Variants in PLEKHA2 observed in about 807,000 individuals in gnomAD.
PLEKHA2 encodes the protein pleckstrin homology domain containing A2.
In PLEKHA2, 28 loss-of-function variants were observed where a neutral mutation model predicts 53.2. That is an observed-to-expected ratio of 0.53 (90% CI 0.39 to 0.72). PLEKHA2 has a LOEUF of 0.72. Ranked by LOEUF, PLEKHA2 falls within the 30% of genes least tolerant of loss-of-function variation. PLEKHA2 has a pLI of 0.00. For synonymous variants in PLEKHA2, 193 were observed against 196.4 expected (o/e 0.98, Z 0.14); for missense variants, 426 against 537.9 (o/e 0.79, Z 2.06).
chr8:38,919,001 G>A (rs530288995), intron 2 of PLEKHA2, among the ~76,000 whole-genome samples: 6 of 152,336 alleles, frequency 3.9e-5, no homozygotes, highest in Non-Finnish European at 7.3e-5. Flanking sequence ...GTGGCCTGTG[G>A]CTGCTCCTGC....
At chr8:38,957,785 G>GTGCAGAGCCCAGC (rs1301160424) in intron 10 of PLEKHA2, among the ~76,000 whole-genome samples, 3 of 152,216 alleles carry the variant, frequency 2.0e-5, no homozygotes, top group African/African-American at 7.2e-5. Flanking sequence ...CAGGCACCAG[G>GTGCAGAGCCCAGC]TGCAGAGCCC....
chr8:38,954,049 C>A (rs751073596), intron 9 of PLEKHA2, among the ~76,000 whole-genome samples: 8 of 152,140 alleles, frequency 5.3e-5, no homozygotes, highest in Non-Finnish European at 7.3e-5. Context: ...TTGGGGCATC[C>A]AAAAACCCTT....
At chr8:38,919,412 C>T (rs1049501373) in intron 2 of PLEKHA2, among the ~76,000 whole-genome samples, 4 of 152,136 alleles carry the variant, frequency 2.6e-5, no homozygotes, top group African/African-American at 9.7e-5. Flanking sequence ...TTCCCCTACC[C>T]TTGAGTGATT....
intron 10 of PLEKHA2, among the ~76,000 whole-genome samples, chr8:38,966,694 ACT>A (rs1463304105): frequency 6.6e-6 from 1 of 152,056 alleles, no homozygotes; most frequent in Non-Finnish European, 1.5e-5. Flanking sequence ...GAAATAAGTA[ACT>A]CGGCTTCATC....
At chr8:38,902,915 ATCATC>A (rs1347250660) in intron 1 of PLEKHA2, among the ~76,000 whole-genome samples, 1 of 152,196 alleles carries the variant, frequency 6.6e-6, no homozygotes, top group Non-Finnish European at 1.5e-5. Flanking sequence ...AAGCATCATC[ATCATC>A]TCAGACATTA....
chr8:38,919,436 C>T (rs1328957678), intron 2 of PLEKHA2, among the ~76,000 whole-genome samples: 1 of 152,136 alleles, frequency 6.6e-6, no homozygotes, highest in African/African-American at 2.4e-5. Flanking sequence ...TGGAATGAGC[C>T]TGCAAACACT....
At chr8:38,904,359 T>C (rs1353710413) in intron 1 of PLEKHA2, among the ~76,000 whole-genome samples, 1 of 152,252 alleles carries the variant, frequency 6.6e-6, no homozygotes, top group African/African-American at 2.4e-5. Flanking sequence ...CCCTGTGGTG[T>C]GCCTTTTGCC....
At chr8:38,919,170 A>G (rs1411268009) in intron 2 of PLEKHA2, among the ~76,000 whole-genome samples, 4 of 152,230 alleles carry the variant, frequency 2.6e-5, no homozygotes, top group Non-Finnish European at 4.4e-5. Flanking sequence ...CATGGTCCAG[A>G]TGAGAAGAGA....
rs1407530048 is a variant in PLEKHA2, at chr8:38,952,311, T to A, written c.632T>A (p.Val211Glu). ...KSGYCVKQGN[V>E]RKSWKRRFFA... ...GGTTACTGCGTGAAGCAAGGGAATG[T>A]GGTGAGTGTCAGCACAGGGGCTGAA... The change falls in exon 7 of 12, where the codon GTG becomes GAG. Residue 211 changes from valine to glutamate, a missense_variant and splice_region_variant. Transcript: ENST00000617275. The A allele has an allele frequency of 6.2e-7, 1 of 1,612,360 alleles. No individual in the cohort carries two copies. Among genetic ancestry groups the A allele is most frequent in the Non-Finnish European group, 8.5e-7 (1 of 1,179,334 alleles).
intron 3 of PLEKHA2, among the ~76,000 whole-genome samples, chr8:38,938,567 TGTTTGATCTGATAAGC>T (rs2129419685): frequency 6.6e-6 from 1 of 152,352 alleles, no homozygotes; most frequent in Non-Finnish European, 1.5e-5. Context: ...CTGTGGTCTG[TGTTTGATCTGATAAGC>T]GCAAGTTCCT....
At chr8:38,935,937 C>A (rs186355878) in intron 2 of PLEKHA2, 57 bp from the exon 3 acceptor site, 7 of 1,548,670 alleles carry the variant, frequency 4.5e-6, no homozygotes, top group Non-Finnish European at 1.8e-6. Context: ...TCTTGGTCTT[C>A]TGTCTCTTGG....
intron 1 of PLEKHA2, among the ~76,000 whole-genome samples, chr8:38,905,870 G>A (rs1833865823): frequency 2.0e-5 from 3 of 152,054 alleles, no homozygotes; most frequent in Non-Finnish European, 2.9e-5. Flanking sequence ...ATTTTTAGCA[G>A]AGACAGGGTT....
intron 10 of PLEKHA2, among the ~76,000 whole-genome samples, chr8:38,966,325 G>A (rs1038803326): frequency 4.6e-5 from 7 of 151,484 alleles, no homozygotes; most frequent in Non-Finnish European, 8.8e-5. Flanking sequence ...GAGGGGGGAT[G>A]TGGAGTCCTT....
At position 38,946,296 on chromosome 8, in the gene PLEKHA2, G is replaced by C. The variant is rs975949374; in HGVS notation, c.345+75G>C. 8.5e-6 allele frequency: 11 copies of C among 1,301,134 alleles called. No homozygotes were observed. The South Asian group carries it at 1.3e-4, about 15-fold the overall frequency. 80.6% of individuals were successfully genotyped at this position (1,301,134 alleles called of 1,614,324 possible). On this transcript the variant is annotated intron_variant, in intron 5 of 11. Coordinates refer to ENST00000617275, the MANE Select transcript of PLEKHA2 (RefSeq NM_021623.2). ...CAGGCTATGGCCTTGTTGGGGTTGG[G>C]GAAAACTGAGATGGCAGCGGGGACT... is the stretch of plus-strand genomic sequence containing the variant.
chr8:38,934,569 C>T (rs1296627331), intron 2 of PLEKHA2, among the ~76,000 whole-genome samples: 1 of 151,990 alleles, frequency 6.6e-6, no homozygotes, highest in Non-Finnish European at 1.5e-5. Context: ...CATTCGAAGC[C>T]CCAGGGCTGT....
intron 10 of PLEKHA2, among the ~76,000 whole-genome samples, chr8:38,963,238 G>A (rs139056588): frequency 2.0e-5 from 3 of 152,162 alleles, no homozygotes; most frequent in Non-Finnish European, 4.4e-5. Context: ...CAGAAGCCCT[G>A]CTTTTTCTTT....
In PLEKHA2 at chr8:38,969,749, T is replaced by C; in HGVS notation, c.1244T>C (p.Leu415Pro). Residue 415 changes from leucine to proline, a missense_variant, in exon 12 of 12, where the codon CTT becomes CCT. Transcript: ENST00000617275. The stretch of plus-strand genomic sequence containing the variant: ...AAGGAGAAGCCGTTTATGTTCAACC[T>C]TGATGATGAAAACATACGGACCTCT... ...HPKEKPFMFN[L>P]DDENIRTSDV 6.4e-7 allele frequency: 1 copy of C among 1,551,848 alleles called. No individual in the cohort carries two copies. The highest frequency in any genetic ancestry group is 1.2e-5 in the South Asian group (1 of 84,110).
At chr8:38,937,284 C>A (rs1390352828) in intron 3 of PLEKHA2, among the ~76,000 whole-genome samples, 1 of 152,134 alleles carries the variant, frequency 6.6e-6, no homozygotes, top group Non-Finnish European at 1.5e-5. Flanking sequence ...TTTGTGCATG[C>A]CTTGTGGTGA....
rs150722357 is a variant in PLEKHA2 at position 38,969,941 on chromosome 8, CTGTGTGTGTGTGTGTGTGTG to C, written c.*176_*195del. 7 of 697,742 alleles carry C rather than the reference CTGTGTGTGTGTGTGTGTGTG, an allele frequency of 1.0e-5. No homozygotes were observed. The highest frequency in any genetic ancestry group is 2.0e-5 in the African/African-American group (1 of 50,994). The allele number at this position is 697,742 out of a possible 1,614,324, so 43.2% of individuals were successfully genotyped here. On this transcript the variant is annotated 3_prime_UTR_variant, in exon 12 of 12. Coordinates refer to ENST00000617275, the MANE Select transcript of PLEKHA2 (RefSeq NM_021623.2). ...GGAGGGAGGGGCCCATCCAGCTGGGCTGTGTGTGTGTGTGTGTGTGTGTGTGTGTGTGTGTGTAATATCAA... is the reference window on the plus strand; with the variant it reads ...GGAGGGAGGGGCCCATCCAGCTGGGCTGTGTGTGTGTGTGTGTAATATCAA...
Sources: gnomAD v4.1 joint callset for allele counts (sites outside exome capture counted in the v4.1 genomes callset) on GRCh38, gnomAD v4.1.1 for gene constraint, MANE v1.5 for transcripts, NCBI Gene and HGNC (gene_info 2026-07-23, HGNC 2026-07-21) for gene names.